HS3ST4: variants seen among roughly 807,000 people sequenced by gnomAD.
HS3ST4 encodes the protein heparan sulfate-glucosamine 3-sulfotransferase 4, also known as heparan sulfate glucosamine 3-O-sulfotransferase 4.
HS3ST4 carries 17 observed loss-of-function variants against 29.2 expected under a neutral mutation model. The ratio of observed to expected loss-of-function variants is 0.58; its 90% CI spans 0.40 to 0.87. The LOEUF is 0.87. Among genes scored for constraint, HS3ST4 ranks in the 40% least tolerant of loss-of-function variants. The probability of loss-of-function intolerance (pLI) is 0.00; values close to 1 mark genes in which losing one functional copy is unlikely to be tolerated. For missense variants in HS3ST4, 627 were observed against 634.5 expected (o/e 0.99, Z 0.13); for synonymous variants, 314 against 285.7 (o/e 1.10, Z -1.00).
rs748088571 is a variant in HS3ST4, at chr16:25,873,658, GTCCATCCATCCA to G, written c.734+180546_734+180557del. 3.9e-3 allele frequency among the ~76,000 whole-genome samples: 334 copies of G among 84,590 alleles called. 1 individual carries two copies. The highest frequency in any genetic ancestry group is 4.9e-3 in the Non-Finnish European group (198 of 40,386). The allele number at this position is 84,590 out of a possible 152,430, so 55.5% of individuals were successfully genotyped here. Reference sequence around the variant, plus strand: ...CATTCATCCATCCATCCATCCGTCCGTCCATCCATCCATCCATCCATCCATCCATCCATCCAT... The same window carrying G: ...CATTCATCCATCCATCCATCCGTCCGTCCATCCATCCATCCATCCATCCAT... On this transcript the variant is annotated intron_variant, in intron 1 of 1. Coordinates refer to ENST00000331351, the MANE Select transcript of HS3ST4 (RefSeq NM_006040.3).
chr16:25,698,950 C>G (rs989485202), intron 1 of HS3ST4, among the ~76,000 whole-genome samples: 2 of 152,186 alleles, frequency 1.3e-5, no homozygotes, highest in Non-Finnish European at 2.9e-5. Flanking sequence ...CTACTTTTTT[C>G]CCAATGTGCA....
chr16:25,758,979 CAA>C (rs35194185), intron 1 of HS3ST4, among the ~76,000 whole-genome samples: 1 of 113,170 alleles, frequency 8.8e-6, no homozygotes, highest in Non-Finnish European at 2.2e-5. Flanking sequence ...AACAAAAAAA[CAA>C]AAAAAAACCC....
chr16:25,981,251 C>T (rs989430252), intron 1 of HS3ST4, among the ~76,000 whole-genome samples: 8 of 151,846 alleles, frequency 5.3e-5, no homozygotes, highest in East Asian at 1.9e-4. Flanking sequence ...CACAGGAAAT[C>T]GCTTGAACCC....
intron 1 of HS3ST4, among the ~76,000 whole-genome samples, chr16:26,104,685 A>G (rs1567313176): frequency 6.6e-6 from 1 of 152,302 alleles, no homozygotes; most frequent in East Asian, 1.9e-4. Flanking sequence ...TTCTCTCCTC[A>G]ACATTCCAAC....
At chr16:25,768,056 GA>G (rs1417262536) in intron 1 of HS3ST4, among the ~76,000 whole-genome samples, 1 of 152,156 alleles carries the variant, frequency 6.6e-6, no homozygotes, top group African/African-American at 2.4e-5. Flanking sequence ...GGTGGCAGGG[GA>G]GTGCGGGGGA....
intron 1 of HS3ST4, among the ~76,000 whole-genome samples, chr16:25,991,957 C>T (rs1316894038): frequency 6.6e-6 from 1 of 152,138 alleles, no homozygotes; most frequent in Non-Finnish European, 1.5e-5. Context: ...GGAGGCAGAG[C>T]TTATAGTGAG....
chr16:25,783,435 C>T (rs1455045286), intron 1 of HS3ST4, among the ~76,000 whole-genome samples: 1 of 151,646 alleles, frequency 6.6e-6, no homozygotes, highest in Non-Finnish European at 1.5e-5. Context: ...CACTTTTCTC[C>T]TTTCCACCAG....
At chr16:26,056,531 G>T (rs74013248) in intron 1 of HS3ST4, among the ~76,000 whole-genome samples, 24 of 152,310 alleles carry the variant, frequency 1.6e-4, no homozygotes, top group African/African-American at 5.5e-4. Flanking sequence ...GCCATTGCAA[G>T]GCAGCAAAGC....
intron 1 of HS3ST4, among the ~76,000 whole-genome samples, chr16:25,937,394 A>G (rs74013103): frequency 0.01 from 1,588 of 152,278 alleles, 31 homozygotes; most frequent in African/African-American, 0.033. Context: ...TATTTTTGTT[A>G]TATCACTTGA....
chr16:26,095,049 C>T (rs1399207547), intron 1 of HS3ST4, among the ~76,000 whole-genome samples: 1 of 152,196 alleles, frequency 6.6e-6, no homozygotes, highest in East Asian at 1.9e-4. Context: ...GTGATCAATT[C>T]AACAAGAAGA....
At chr16:25,940,028 A>T (rs1596620528) in intron 1 of HS3ST4, among the ~76,000 whole-genome samples, 1 of 152,062 alleles carries the variant, frequency 6.6e-6, no homozygotes, top group East Asian at 1.9e-4. Flanking sequence ...GTTGGTTCTT[A>T]TGCACCCACA....
chr16:25,812,416 G>A (rs1044180906), intron 1 of HS3ST4, among the ~76,000 whole-genome samples: 5 of 152,076 alleles, frequency 3.3e-5, no homozygotes, highest in African/African-American at 4.8e-5. Context: ...CTTCTCTGCC[G>A]TTTCCCTTTC....
chr16:26,059,005 C>G (rs747761274), intron 1 of HS3ST4, among the ~76,000 whole-genome samples: 2 of 151,978 alleles, frequency 1.3e-5, no homozygotes, highest in Admixed American at 1.3e-4. Context: ...AGGTGGGAGG[C>G]CTGAGGGTCA....
chr16:25,982,371 A>G, intron 1 of HS3ST4, among the ~76,000 whole-genome samples: 1 of 152,212 alleles, frequency 6.6e-6, no homozygotes. Flanking sequence ...GCCTTGAGTC[A>G]GTGCACCATC....
chr16:25,723,672 T>C (rs1372566228), intron 1 of HS3ST4, among the ~76,000 whole-genome samples: 1 of 152,266 alleles, frequency 6.6e-6, no homozygotes, highest in Non-Finnish European at 1.5e-5. Context: ...ATATCCTCGA[T>C]GAAGCTCAGA....
At chr16:25,875,547 T>C (rs780307651) in intron 1 of HS3ST4, among the ~76,000 whole-genome samples, 4 of 152,102 alleles carry the variant, frequency 2.6e-5, no homozygotes, top group Non-Finnish European at 5.9e-5. Flanking sequence ...GTGAAATGAG[T>C]AGAATCAATT....
intron 1 of HS3ST4, among the ~76,000 whole-genome samples, chr16:25,860,763 A>T (rs1453042388): frequency 6.6e-6 from 1 of 152,136 alleles, no homozygotes; most frequent in Non-Finnish European, 1.5e-5. Context: ...GGGCCATGAA[A>T]TTACTCTGTA....
chr16:25,916,880 C>T lies in HS3ST4; in HGVS notation c.735-218732C>T, dbSNP rs544060877. Among the ~76,000 whole-genome samples, 7 of 151,792 alleles carry T rather than the reference C, an allele frequency of 4.6e-5. No individual in the cohort carries two copies. The East Asian group carries it at 5.9e-4, about 13-fold the overall frequency. ...ATTTTTAGTAGACACGGGGTTTCAC[C>T]GTGTTAGCCAGGATGGTCTCGATCT... On this transcript the variant is annotated intron_variant, in intron 1 of 1. Coordinates refer to ENST00000331351, the MANE Select transcript of HS3ST4 (RefSeq NM_006040.3).
rs570118482 is a variant in HS3ST4, at chr16:25,860,498, A to G, written c.734+167347A>G. Among the ~76,000 whole-genome samples, 251 of 152,276 alleles carry G rather than the reference A, an allele frequency of 1.6e-3. 2 individuals carry two copies. The highest frequency in any genetic ancestry group is 5.7e-3 in the African/African-American group (235 of 41,560). On this transcript the variant is annotated intron_variant, in intron 1 of 1. Coordinates refer to ENST00000331351, the MANE Select transcript of HS3ST4 (RefSeq NM_006040.3). ...TTTTGGATACACAGTTTATGGATAC[A>G]TAAACTGTGGTACATCCAGAGAATG...
Sources: allele counts gnomAD v4.1 joint callset (sites outside exome capture counted in the v4.1 genomes callset), GRCh38; gene constraint gnomAD v4.1.1; transcripts MANE v1.5; gene names NCBI Gene and HGNC (gene_info 2026-07-23, HGNC 2026-07-21).